The following MYO15B variants were observed in gnomAD, a reference collection of about 807,000 sequenced individuals.
MYO15B encodes the protein myosin XVB pseudogene.
A neutral mutation model predicts 119.3 loss-of-function variants in MYO15B; 207 were observed. The ratio of observed to expected loss-of-function variants is 1.73; its 90% CI spans 1.55 to 1.95. MYO15B has a LOEUF of 1.95. Among genes scored for constraint, MYO15B ranks in the 30% most tolerant of loss-of-function variants. MYO15B has a pLI of 0.00. For missense variants in MYO15B, 2,264 were observed against 1,203.1 expected, an observed-to-expected ratio of 1.88 and a Z score of -13.04; for synonymous variants, 966 against 498.9, an observed-to-expected ratio of 1.94 and a Z score of -12.48.
At chr17:75,603,450 C>G in intron 19 of MYO15B, 138 bp downstream of exon 19, 1 of 611,138 alleles carries the variant, frequency 1.6e-6, no homozygotes, top group Non-Finnish European at 2.9e-6. Context: ...TCTCTCTCCT[C>G]GTCCTCTCAT....
Position 75,591,155 on chromosome 17 carries a change from C to T in MYO15B, c.2361-17C>T, listed in dbSNP as rs898595757. 8.5e-6 allele frequency: 6 copies of T among 702,772 alleles called. No homozygotes were observed. Among genetic ancestry groups the T allele is most frequent in the South Asian group, 1.5e-5 (1 of 67,604 alleles). The allele number at this position is 702,772 out of a possible 1,614,324, so 43.5% of individuals were successfully genotyped here. A position where few individuals can be genotyped will look rare whatever the true frequency, so the allele number is the denominator to read the frequency against. ...GTCCCAGGTCCCCATGTCTGGCAAC[C>T]TTCTCATCTCCCTCAGACACATCTT... On this transcript the variant is annotated splice_polypyrimidine_tract_variant and intron_variant, in intron 3 of 63. Transcript: ENST00000645453.
intron 28 of MYO15B, 79 bp from the exon 29 acceptor site, chr17:75,613,626 C>G (rs1450095818): frequency 4.4e-6 from 3 of 675,358 alleles, no homozygotes; most frequent in East Asian, 2.7e-5. Flanking sequence ...TTGAAACTCT[C>G]ATGGGGACAG....
rs964413840 is a variant in MYO15B, at chr17:75,596,755, C to T, written c.3394-13C>T. The T allele has an allele frequency of 4.9e-5, 34 of 694,386 alleles. No homozygotes were observed. The highest frequency in any genetic ancestry group is 7.5e-5 in the South Asian group (5 of 66,330). The allele number at this position is 694,386 out of a possible 1,614,324, so 43.0% of individuals were successfully genotyped here. A position where few individuals can be genotyped will look rare whatever the true frequency, so the allele number is the denominator to read the frequency against. On this transcript the variant is annotated splice_polypyrimidine_tract_variant and intron_variant, in intron 13 of 63. Transcript: ENST00000645453. The stretch of plus-strand genomic sequence containing the variant: ...CTGCTCCTGCAAAATGGCCAAATGC[C>T]GGCTGTTCCCAGGAGGAGTGTCGGC...
At chr17:75,590,920 C>T (rs536726663) in exon 3 of MYO15B, 9 of 499,662 alleles carry the variant, frequency 1.8e-5, no homozygotes, top group East Asian at 1.1e-4. Flanking sequence ...TTTGGGGGGC[C>T]TGTCTTGCTT....
At chr17:75,595,262 G>C (rs1349384892) in intron 12 of MYO15B, among the ~76,000 whole-genome samples, 1 of 152,158 alleles carries the variant, frequency 6.6e-6, no homozygotes, top group Non-Finnish European at 1.5e-5. Context: ...AGAGGACGAT[G>C]CCCCTCACCC....
chr17:75,588,951 G>A, exon 1 of MYO15B: 1 of 398,224 alleles, frequency 2.5e-6, no homozygotes. Flanking sequence ...CGACGGCCCG[G>A]GCTCCGCGCC....
chr17:75,612,795 C>T lies in MYO15B; in HGVS notation c.4636-3C>T. On this transcript the variant is annotated splice_region_variant and splice_polypyrimidine_tract_variant and intron_variant, in intron 25 of 63. Coordinates refer to ENST00000645453, the Ensembl canonical transcript of MYO15B. ...ATGGACTGAGCCCTCTCCTTCCTTGCAGGAACCGTCCCTGCCCAGGCCAGG... is the reference window on the plus strand; with the variant it reads ...ATGGACTGAGCCCTCTCCTTCCTTGTAGGAACCGTCCCTGCCCAGGCCAGG... 1 of 703,024 alleles carries T rather than the reference C, an allele frequency of 1.4e-6. No individual in the cohort carries two copies. Among genetic ancestry groups the T allele is most frequent in the Middle Eastern group, 2.3e-4 (1 of 4,370 alleles). The allele number at this position is 703,024 out of a possible 1,614,324, so 43.5% of individuals were successfully genotyped here. A position where few individuals can be genotyped will look rare whatever the true frequency, so the allele number is the denominator to read the frequency against.
intron 23 of MYO15B, 69 bp downstream of exon 23, chr17:75,611,028 G>T: frequency 1.4e-6 from 1 of 702,056 alleles, no homozygotes; most frequent in Non-Finnish European, 2.6e-6. Flanking sequence ...ACAGCTTAGA[G>T]GGCTGCCAGG....
chr17:75,612,762 T>A, intron 25 of MYO15B, 36 bp from the exon 26 acceptor site: 1 of 702,708 alleles, frequency 1.4e-6, no homozygotes, highest in Non-Finnish European at 2.6e-6. Flanking sequence ...GTCTGATAGC[T>A]GGTGAGCATG....
intron 19 of MYO15B, among the ~76,000 whole-genome samples, chr17:75,604,202 A>G (rs1184154821): frequency 6.6e-6 from 1 of 151,938 alleles, no homozygotes; most frequent in East Asian, 1.9e-4. Context: ...AGCAATTGTC[A>G]CCTCCAACAA....
intron 19 of MYO15B, among the ~76,000 whole-genome samples, chr17:75,605,239 C>A (rs1165742978): frequency 6.6e-6 from 1 of 151,588 alleles, no homozygotes; most frequent in African/African-American, 2.4e-5. Flanking sequence ...AGATCGAGAC[C>A]ATCCTGGCTA....
exon 15 of MYO15B, chr17:75,601,512 G>A (rs2057284476): frequency 1.4e-6 from 1 of 703,176 alleles, no homozygotes; most frequent in South Asian, 1.5e-5. Context: ...AGCCCCGGCT[G>A]CCCCTGCCCG....
chr17:75,613,354 G>A (rs1464932269), exon 28 of MYO15B: 4 of 674,220 alleles, frequency 5.9e-6, no homozygotes, highest in Non-Finnish European at 1.1e-5. Flanking sequence ...GCTGCTGGGG[G>A]CCTTGGAGCA....
chr17:75,593,459 G>A (rs1382958082), intron 9 of MYO15B, among the ~76,000 whole-genome samples: 5 of 151,996 alleles, frequency 3.3e-5, no homozygotes, highest in African/African-American at 9.7e-5. Flanking sequence ...TTAGCTGGGT[G>A]TGGTGACACG....
Position 75,616,409 on chromosome 17 carries a change from G to C in MYO15B, c.6207G>C (p.Glu2069Asp), listed in dbSNP as rs187484619. The change falls in exon 38 of 64, where the codon GAG becomes GAC. Residue 2069 changes from glutamate (E) to aspartate (D), a missense_variant. Coordinates refer to ENST00000645453, the Ensembl canonical transcript of MYO15B. ...AGGAGGAGGAGGAGGAGGAGGAGGAGGAGGAGCAGGAGGAGCAAGAAGTGG... is the reference window on the plus strand; with the variant it reads ...AGGAGGAGGAGGAGGAGGAGGAGGACGAGGAGCAGGAGGAGCAAGAAGTGG... 84 of 625,142 alleles carry C rather than the reference G, an allele frequency of 1.3e-4. No homozygotes were observed. The East Asian group carries it at 1.9e-3, about 14-fold the overall frequency. 38.7% of individuals were successfully genotyped at this position (625,142 alleles called of 1,614,324 possible). A position where few individuals can be genotyped will look rare whatever the true frequency, so the allele number is the denominator to read the frequency against.
In MYO15B at chr17:75,602,859, GCCCCAGTCCAGGGGAGGGCGAGGCAGAC is replaced by G; in HGVS notation, c.3762_3789del (p.Gln1255ArgfsTer14). 1.5e-6 allele frequency: 1 copy of G among 651,684 alleles called. No individual in the cohort carries two copies. The highest frequency in any genetic ancestry group is 2.8e-6 in the Non-Finnish European group (1 of 361,048). 40.4% of individuals were successfully genotyped at this position (651,684 alleles called of 1,614,324 possible). On this transcript the variant is annotated frameshift_variant, in exon 17 of 64. Coordinates refer to ENST00000645453, the Ensembl canonical transcript of MYO15B. LOFTEE classifies it high-confidence loss of function. ...TGGGCAGCCTGTTCCAGGAGGCAGA[GCCCCAGTCCAGGGGAGGGCGAGGCAGAC>G]CCACGCTGGCCTCTCGCTTCCAGCA...
intron 21 of MYO15B, 116 bp from the exon 22 acceptor site, chr17:75,610,050 C>A: frequency 1.8e-6 from 1 of 543,240 alleles, no homozygotes; most frequent in Non-Finnish European, 3.3e-6. Context: ...GCATCCAGGG[C>A]TTCTCTGGTC....
At chr17:75,598,087 C>T (rs1293680974) in intron 14 of MYO15B, among the ~76,000 whole-genome samples, 2 of 151,702 alleles carry the variant, frequency 1.3e-5, no homozygotes, top group East Asian at 1.9e-4. Context: ...CTCAATATAA[C>T]GTGATCCTGA....
At chr17:75,605,647 G>C (rs1451510297) in intron 20 of MYO15B, 26 bp downstream of exon 20, 12 of 702,458 alleles carry the variant, frequency 1.7e-5, no homozygotes, top group African/African-American at 3.5e-5. Context: ...CCTGTGTGCA[G>C]AGGGCAGCAT....
Sources: allele counts gnomAD v4.1 joint callset (sites outside exome capture counted in the v4.1 genomes callset), GRCh38; gene constraint gnomAD v4.1.1; transcripts MANE v1.5; gene names NCBI Gene and HGNC (gene_info 2026-07-23, HGNC 2026-07-21).